Variants in DST observed in about 807,000 individuals in gnomAD.
DST encodes dystonin.
DST carries 253 observed loss-of-function variants against 875.2 expected under a neutral mutation model. That is an observed-to-expected ratio of 0.29 (90% CI 0.26 to 0.32). The LOEUF (loss-of-function observed/expected upper bound fraction) is 0.32, where lower values mean the gene tolerates loss of function less well. Among genes scored for constraint, DST ranks in the 10% least tolerant of loss-of-function variants. The pLI is 1.00. For synonymous variants in DST, 3,124 were observed against 3,197.1 expected (o/e 0.98, Z 0.77); for missense variants, 8,287 against 9,111.6 (o/e 0.91, Z 3.68).
At chr6:56,746,939 G>T (rs2099574271) in intron 4 of DST, among the ~76,000 whole-genome samples, 1 of 152,126 alleles carries the variant, frequency 6.6e-6, no homozygotes, top group East Asian at 1.9e-4. Flanking sequence ...GCTGCAGGAG[G>T]GAAGGCAAAG....
chr6:56,762,228 G>C (rs991358338), intron 4 of DST, among the ~76,000 whole-genome samples: 1 of 152,150 alleles, frequency 6.6e-6, no homozygotes, highest in Non-Finnish European at 1.5e-5. Flanking sequence ...CTCCATGTTG[G>C]TCAGGCTGGT....
intron 73 of DST, among the ~76,000 whole-genome samples, chr6:56,510,790 C>A (rs2096459815): frequency 6.6e-6 from 1 of 152,104 alleles, no homozygotes; most frequent in African/African-American, 2.4e-5. Flanking sequence ...CAATATCCAA[C>A]TTTATATTCT....
In DST at chr6:56,619,670, G is replaced by C. The variant is rs2152737734; in HGVS notation, c.4929+4860C>G. 5.0e-6 allele frequency: 8 copies of C among 1,613,714 alleles called. No individual in the cohort carries two copies. The highest frequency in any genetic ancestry group is 6.8e-6 in the Non-Finnish European group (8 of 1,179,996). On this transcript the variant is annotated intron_variant, in intron 36 of 103. Transcript: ENST00000680361. Reference sequence around the variant, plus strand: ...CTTGAGATCACTAGCTTCTTGCATGGCTTCTTCAGCTTTACCTGTGGTTTG... The same window carrying C: ...CTTGAGATCACTAGCTTCTTGCATGCCTTCTTCAGCTTTACCTGTGGTTTG...
intron 5 of DST, among the ~76,000 whole-genome samples, chr6:56,729,510 A>C (rs1398937688): frequency 1.3e-5 from 2 of 152,106 alleles, no homozygotes; most frequent in Non-Finnish European, 2.9e-5. Context: ...GAATCACTTG[A>C]ACCCAGGAGG....
chr6:56,601,434 A>G lies in DST; in HGVS notation c.11541+9T>C. On this transcript the variant is annotated intron_variant, in intron 44 of 103. Transcript: ENST00000680361. ...ACAATGAATGCCAACTCCACGAAGA[A>G]AGGCAAACCTTCTGATCATCAAGAT... The G allele has an allele frequency of 6.4e-7, 1 of 1,561,824 alleles. No individual in the cohort carries two copies. Among genetic ancestry groups the G allele is most frequent in the Non-Finnish European group, 8.7e-7 (1 of 1,147,336 alleles).
chr6:56,660,416 C>A (rs185786527), intron 10 of DST, among the ~76,000 whole-genome samples: 2 of 152,258 alleles, frequency 1.3e-5, no homozygotes, highest in Non-Finnish European at 2.9e-5. Flanking sequence ...ACAGAACAAC[C>A]CACACAGAGG....
In DST at chr6:56,501,363, C is replaced by G. The variant is rs2096116877; in HGVS notation, c.19741-128G>C. On this transcript the variant is annotated intron_variant, in intron 79 of 103. Coordinates refer to ENST00000680361, the MANE Select transcript of DST (RefSeq NM_001374736.1). ...ATAAACGTATCCAGTGAAGCCTAAT[C>G]ATCATATCCTTCTATGTTTTAAGTT... is the stretch of plus-strand genomic sequence containing the variant. 3 of 1,157,756 alleles carry G rather than the reference C, an allele frequency of 2.6e-6. No individual in the cohort carries two copies. In the South Asian group the frequency reaches 5.8e-5, roughly 22 times the overall value. 71.7% of individuals were successfully genotyped at this position (1,157,756 alleles called of 1,614,324 possible).
At chr6:56,731,682 T>C (rs547242855) in intron 5 of DST, among the ~76,000 whole-genome samples, 2 of 152,336 alleles carry the variant, frequency 1.3e-5, no homozygotes, top group African/African-American at 4.8e-5. Context: ...GGATGTATCA[T>C]AATTATTTTT....
rs1210441014 is a variant in DST at position 56,606,238 on chromosome 6, T to C, written c.8390A>G (p.Tyr2797Cys). 2 of 1,566,240 alleles carry C rather than the reference T, an allele frequency of 1.3e-6. No homozygotes were observed. The highest frequency in any genetic ancestry group is 1.4e-5 in the African/African-American group (1 of 73,750). The change falls in exon 40 of 104, where the codon TAT becomes TGT. Residue 2797 changes from tyrosine to cysteine, a missense_variant. Transcript: ENST00000680361. ...ATCCTGATCATTACTGTCATATATA[T>C]AATCCCCATAACTTTCTTCACTTTG... ...SMQSEESYGD[Y>C]IYDSNDQDDD...
intron 86 of DST, among the ~76,000 whole-genome samples, chr6:56,489,102 C>T (rs945412679): frequency 6.6e-6 from 1 of 152,228 alleles, no homozygotes; most frequent in African/African-American, 2.4e-5. Flanking sequence ...ATATCTATTA[C>T]TTTTTACTAC....
At chr6:56,767,091 T>A (rs1319111276) in intron 4 of DST, among the ~76,000 whole-genome samples, 1 of 152,244 alleles carries the variant, frequency 6.6e-6, no homozygotes, top group Non-Finnish European at 1.5e-5. Flanking sequence ...TTTCAGTTCA[T>A]CTTAGAAGGT....
intron 4 of DST, among the ~76,000 whole-genome samples, chr6:56,816,124 C>A (rs934637895): frequency 6.6e-6 from 1 of 152,158 alleles, no homozygotes; most frequent in African/African-American, 2.4e-5. Flanking sequence ...AAAATAAACA[C>A]CCTGAAAGGA....
intron 10 of DST, among the ~76,000 whole-genome samples, chr6:56,654,455 C>T (rs2098992954): frequency 1.3e-5 from 2 of 151,838 alleles, no homozygotes; most frequent in South Asian, 2.1e-4. Flanking sequence ...GCTTGGTGCC[C>T]TGAATTTGTT....
At chr6:56,559,664 T>C (rs898423259) in intron 58 of DST, among the ~76,000 whole-genome samples, 2 of 152,112 alleles carry the variant, frequency 1.3e-5, no homozygotes, top group African/African-American at 4.8e-5. Context: ...CTTACACTCA[T>C]TTTCTTTTTT....
At chr6:56,489,745 A>G in intron 85 of DST, 136 bp from the exon 86 acceptor site, 1 of 834,872 alleles carries the variant, frequency 1.2e-6, no homozygotes, top group South Asian at 3.0e-5. Flanking sequence ...CTGAAGAAGA[A>G]AAAAGTAATG....
intron 5 of DST, among the ~76,000 whole-genome samples, chr6:56,734,584 A>G (rs1049411247): frequency 4.6e-5 from 7 of 152,258 alleles, no homozygotes; most frequent in African/African-American, 1.7e-4. Flanking sequence ...CAAGATTTAC[A>G]GAAGGGCTTC....
chr6:56,509,064 T>G (rs895167421), intron 74 of DST, among the ~76,000 whole-genome samples: 1 of 152,156 alleles, frequency 6.6e-6, no homozygotes, highest in Admixed American at 6.5e-5. Flanking sequence ...GGGAGTGAAA[T>G]AATCACCTAG....
chr6:56,729,761 T>G (rs1265754766), intron 5 of DST, among the ~76,000 whole-genome samples: 1 of 152,188 alleles, frequency 6.6e-6, no homozygotes, highest in Non-Finnish European at 1.5e-5. Context: ...TGAGGATTTA[T>G]ATTATCTTCC....
chr6:56,615,118 T>C, intron 36 of DST: 1 of 1,039,636 alleles, frequency 9.6e-7, no homozygotes, highest in East Asian at 8.4e-5. Context: ...TCTCTTTGAT[T>C]CCATGGTGCT....
Sources: allele counts gnomAD v4.1 joint callset (sites outside exome capture counted in the v4.1 genomes callset), GRCh38; gene constraint gnomAD v4.1.1; transcripts MANE v1.5; gene names NCBI Gene and HGNC (gene_info 2026-07-23, HGNC 2026-07-21).